The following DECR1 variants were observed in gnomAD, a reference collection of about 807,000 sequenced individuals.
DECR1 encodes 2,4-dienoyl-CoA reductase [(3E)-enoyl-CoA-producing], mitochondrial.
DECR1 carries 44 observed loss-of-function variants against 38.8 expected under a neutral mutation model. The ratio of observed to expected loss-of-function variants is 1.13; its 90% confidence interval spans 0.89 to 1.46. The LOEUF (loss-of-function observed/expected upper bound fraction) is 1.46. DECR1 is among the 40% of genes most tolerant of loss of function. The probability of loss-of-function intolerance (pLI) is 0.00; values close to 1 mark genes in which losing one functional copy is unlikely to be tolerated. For missense variants in DECR1, 428 were observed against 405.5 expected (o/e 1.06, Z -0.48); for synonymous variants, 148 against 135.2 (o/e 1.09, Z -0.66).
Position 90,017,151 on chromosome 8 carries a change from T to C in DECR1, c.97T>C (p.Tyr33His). 1 of 1,613,946 alleles carries C rather than the reference T, an allele frequency of 6.2e-7. No homozygotes were observed. The highest frequency in any genetic ancestry group is 8.5e-7 in the Non-Finnish European group (1 of 1,179,808). The change falls in exon 2 of 10, where the codon TAT becomes CAT. Residue 33 changes from tyrosine to histidine, a missense_variant. Tyr to His is a moderately conservative substitution (Grantham distance 83). Transcript: ENST00000220764. ...TTTCAGTTATGGGACAAAAATATTA[T>C]ATCAAAACACTGAAGCTTTGCAATC... is the stretch of plus-strand genomic sequence containing the variant. ...RFFSYGTKIL[Y>H]QNTEALQSKF...
chr8:90,037,448 CTTTT>C (rs538084218), intron 6 of DECR1, among the ~76,000 whole-genome samples: 4 of 137,242 alleles, frequency 2.9e-5, no homozygotes, highest in Admixed American at 7.3e-5. Context: ...AGTATAACTG[CTTTT>C]TTTTTTTTTT....
chr8:90,003,381 A>G (rs1461777128), intron 1 of DECR1, among the ~76,000 whole-genome samples: 9 of 152,210 alleles, frequency 5.9e-5, no homozygotes, highest in Admixed American at 5.9e-4. Flanking sequence ...TCAATTTAAT[A>G]AATATTTATT....
At chr8:90,031,012 A>G (rs964621581) in intron 5 of DECR1, among the ~76,000 whole-genome samples, 12 of 152,250 alleles carry the variant, frequency 7.9e-5, no homozygotes, top group Middle Eastern at 3.4e-3. Flanking sequence ...AATTTTGAAA[A>G]TAAATTAGTT....
chr8:90,041,810 C>T (rs190417107), intron 6 of DECR1, among the ~76,000 whole-genome samples: 17 of 152,060 alleles, frequency 1.1e-4, no homozygotes, highest in African/African-American at 3.4e-4. Context: ...TTCTTGGCTC[C>T]GTTATATTTC....
chr8:90,047,129 G>A (rs1366326691), intron 8 of DECR1, among the ~76,000 whole-genome samples: 6 of 152,056 alleles, frequency 3.9e-5, no homozygotes, highest in African/African-American at 1.4e-4. Flanking sequence ...ATCAACTAAC[G>A]AGCAAAATAA....
At chr8:90,045,252 A>C (rs1421159181) in intron 8 of DECR1, among the ~76,000 whole-genome samples, 1 of 152,128 alleles carries the variant, frequency 6.6e-6, no homozygotes, top group Admixed American at 6.6e-5. Flanking sequence ...AGGGAAGTGC[A>C]GGGGGTTGGG....
chr8:90,038,090 A>G (rs908816883), intron 6 of DECR1, among the ~76,000 whole-genome samples: 2 of 152,198 alleles, frequency 1.3e-5, no homozygotes, highest in Admixed American at 6.5e-5. Context: ...TACCTTATAT[A>G]TGCTTCGTCC....
chr8:90,001,539 C>A lies in DECR1; in HGVS notation c.47C>A (p.Pro16His). The stretch of plus-strand genomic sequence containing the variant: ...TTCTTTACTCTGGGGTCCCGGCTGC[C>A]CTGTGGCCTCGCTCCTCGGAGGGTA... Reference protein sequence around the residue: ...RVFFTLGSRLPCGLAPRRFFS... With the variant: ...RVFFTLGSRLHCGLAPRRFFS... Residue 16 changes from proline to histidine, a missense_variant, in exon 1 of 10, where the codon CCC (proline) becomes CAC (histidine). Coordinates refer to ENST00000220764, the MANE Select transcript of DECR1 (RefSeq NM_001359.2). 1 of 1,613,786 alleles carries A rather than the reference C, an allele frequency of 6.2e-7. No homozygotes were observed. The highest frequency in any genetic ancestry group is 8.5e-7 in the Non-Finnish European group (1 of 1,179,838).
intron 4 of DECR1, 90 bp downstream of exon 4, chr8:90,019,262 T>G: frequency 8.9e-7 from 1 of 1,121,830 alleles, no homozygotes; most frequent in Non-Finnish European, 1.3e-6. Flanking sequence ...ATATTGATAC[T>G]GATGTAGGAC....
At chr8:90,024,932 C>G (rs1344807207) in intron 5 of DECR1, among the ~76,000 whole-genome samples, 10 of 152,274 alleles carry the variant, frequency 6.6e-5, no homozygotes, top group East Asian at 3.9e-4. Flanking sequence ...TTTCAGCTTT[C>G]TACATATGGC....
At chr8:90,013,343 T>A (rs532094696) in intron 1 of DECR1, among the ~76,000 whole-genome samples, 1 of 152,156 alleles carries the variant, frequency 6.6e-6, no homozygotes, top group African/African-American at 2.4e-5. Flanking sequence ...TTGTAGAAAT[T>A]TGTTTTAAAT....
chr8:90,031,724 T>C (rs1272297284), intron 5 of DECR1, among the ~76,000 whole-genome samples: 1 of 152,150 alleles, frequency 6.6e-6, no homozygotes, highest in Non-Finnish European at 1.5e-5. Context: ...GTCAGTAAGA[T>C]TAATTGCTAG....
rs367669557 is a variant in DECR1 at position 90,015,133 on chromosome 8, G to A, written c.70-1991G>A. 1.1e-4 allele frequency among the ~76,000 whole-genome samples: 17 copies of A among 151,576 alleles called. No homozygotes were observed. In the East Asian group the frequency reaches 1.7e-3, roughly 16 times the overall value. ...TAATCATACTTATTGGATAGATTTG[G>A]AAAGTACTAAAAACCAATCAAACAA... On this transcript the variant is annotated intron_variant, in intron 1 of 9. Transcript: ENST00000220764.
At chr8:90,019,199 G>C in intron 4 of DECR1, 27 bp downstream of exon 4, 1 of 1,571,176 alleles carries the variant, frequency 6.4e-7, no homozygotes, top group Non-Finnish European at 8.8e-7. Flanking sequence ...TGAAGCCAAA[G>C]TGCAAGACAC....
intron 1 of DECR1, chr8:90,015,503 A>G (rs1812985695): frequency 2.8e-6 from 1 of 356,834 alleles, no homozygotes. Context: ...TTTTTCATTT[A>G]ACATCACATT....
At chr8:90,036,777 T>C in intron 5 of DECR1, 64 bp from the exon 6 acceptor site, 3 of 1,032,100 alleles carry the variant, frequency 2.9e-6, no homozygotes, top group Non-Finnish European at 4.3e-6. Flanking sequence ...TTATAAATAA[T>C]GTTTTCCTTA....
At chr8:90,048,242 AG>A (rs1563659895) in intron 8 of DECR1, among the ~76,000 whole-genome samples, 1 of 152,248 alleles carries the variant, frequency 6.6e-6, no homozygotes, top group African/African-American at 2.4e-5. Context: ...CAATGAATCC[AG>A]GAGCTGTTTT....
chr8:90,015,690 A>C (rs1378564010), intron 1 of DECR1: 2 of 456,076 alleles, frequency 4.4e-6, no homozygotes, highest in Admixed American at 2.3e-5. Flanking sequence ...TTTTAACTGG[A>C]GTGTTAATCT....
intron 1 of DECR1, among the ~76,000 whole-genome samples, chr8:90,015,015 G>A (rs1306969958): frequency 1.3e-5 from 2 of 152,118 alleles, no homozygotes. Flanking sequence ...GACTGGCATG[G>A]AGCATAACAA....
Sources: gnomAD v4.1 joint callset for allele counts (sites outside exome capture counted in the v4.1 genomes callset) on GRCh38, gnomAD v4.1.1 for gene constraint, MANE v1.5 for transcripts, NCBI Gene and HGNC (gene_info 2026-07-23, HGNC 2026-07-21) for gene names.